Variants in CNNM1 observed in about 807,000 individuals in gnomAD.
CNNM1 encodes metal transporter CNNM1.
CNNM1 carries 44 observed loss-of-function variants against 78.8 expected under a neutral mutation model. The ratio of observed to expected loss-of-function variants is 0.56; its 90% confidence interval spans 0.44 to 0.72. The LOEUF (loss-of-function observed/expected upper bound fraction) is 0.72, where lower values mean the gene tolerates loss of function less well. CNNM1 is among the 30% of genes least tolerant of loss of function. CNNM1 has a pLI of 0.00. For synonymous variants in CNNM1, 584 were observed against 581.5 expected (o/e 1.00, Z -0.06); for missense variants, 1,101 against 1,292.2 (o/e 0.85, Z 2.27).
chr10:99,330,689 C>T lies in CNNM1; in HGVS notation c.1302C>T (p.Thr434=), dbSNP rs1428608262. ...LRTKVVEEVL[T]PLGDCFMLRS... Reference sequence around the variant, plus strand: ...CCAAAGTTGTGGAGGAGGTGCTGACCCCCCTGGGAGACTGCTTCATGCTGC... The same window carrying T: ...CCAAAGTTGTGGAGGAGGTGCTGACTCCCCTGGGAGACTGCTTCATGCTGC... The change falls in exon 1 of 11, where the codon ACC becomes ACT. Residue 434 remains threonine (T), a synonymous_variant. Transcript: ENST00000356713. The T allele has an allele frequency of 2.5e-6, 4 of 1,613,818 alleles. No homozygotes were observed. The highest frequency in any genetic ancestry group is 1.1e-5 in the South Asian group (1 of 91,090).
intron 1 of CNNM1, among the ~76,000 whole-genome samples, chr10:99,342,054 C>G (rs897163992): frequency 1.3e-5 from 2 of 152,184 alleles, no homozygotes; most frequent in Admixed American, 1.3e-4. Context: ...CCTGCCCCAC[C>G]GTTCTCCACA....
At chr10:99,355,651 G>A (rs975355798) in intron 1 of CNNM1, among the ~76,000 whole-genome samples, 3 of 152,172 alleles carry the variant, frequency 2.0e-5, no homozygotes, top group Admixed American at 1.3e-4. Context: ...TTCAGTCCCA[G>A]GTTAGTACTG....
Position 99,377,049 on chromosome 10 carries a change from C to T in CNNM1, c.2177-6C>T. 7.2e-7 allele frequency: 1 copy of T among 1,395,114 alleles called. No homozygotes were observed. Among genetic ancestry groups the T allele is most frequent in the Non-Finnish European group, 9.6e-7 (1 of 1,046,164 alleles). The allele number at this position is 1,395,114 out of a possible 1,614,324, so 86.4% of individuals were successfully genotyped here. ...TTGTCTTTTCTCCATCTCTCACCAT[C>T]TGCAGTAAACCGGTCCCCTTCTCGC... On this transcript the variant is annotated splice_region_variant and splice_polypyrimidine_tract_variant and intron_variant, in intron 6 of 10. Transcript: ENST00000356713.
chr10:99,362,475 G>C, intron 4 of CNNM1, 79 bp downstream of exon 4: 1 of 1,449,800 alleles, frequency 6.9e-7, no homozygotes, highest in South Asian at 1.4e-5. Context: ...GCCTCCGTCA[G>C]CACCAAGTTC....
intron 6 of CNNM1, among the ~76,000 whole-genome samples, chr10:99,365,658 T>A (rs2031591287): frequency 6.6e-6 from 1 of 152,192 alleles, no homozygotes; most frequent in African/African-American, 2.4e-5. Flanking sequence ...GGCATGGCAT[T>A]TTTTGTGATT....
Position 99,387,916 on chromosome 10 carries a change from A to G in CNNM1, c.2437A>G (p.Thr813Ala), listed in dbSNP as rs1402646083. Reference sequence around the variant, plus strand: ...GGAGGCCTTCACAGACGGGGACTCCACTAAGGCCCCCACAACCCGGGGCAC... The same window carrying G: ...GGAGGCCTTCACAGACGGGGACTCCGCTAAGGCCCCCACAACCCGGGGCAC... ...DMEAFTDGDS[T>A]KAPTTRGTPQ... is the part of the protein sequence containing the mutation. Residue 813 changes from threonine to alanine, a missense_variant, in exon 8 of 11, where the codon ACT becomes GCT. Coordinates refer to ENST00000356713, the MANE Select transcript of CNNM1 (RefSeq NM_020348.3). 1.2e-6 allele frequency: 2 copies of G among 1,613,534 alleles called. No homozygotes were observed. The highest frequency in any genetic ancestry group is 1.7e-5 in the Admixed American group (1 of 59,952).
Position 99,329,976 on chromosome 10 carries a change from C to T in CNNM1, c.589C>T (p.His197Tyr). The T allele has an allele frequency of 7.2e-7, 1 of 1,389,106 alleles. No individual in the cohort carries two copies. 86.0% of individuals were successfully genotyped at this position (1,389,106 alleles called of 1,614,324 possible). ...CTGGGATGGGCGCGCGTGGCACCAC[C>T]ACGGCGCCGCCGGCGGCTTCCTGCT... is the stretch of plus-strand genomic sequence containing the variant. ...CAWDGRAWHH[H>Y]GAAGGFLLRV... The change falls in exon 1 of 11, where the codon CAC (histidine) becomes TAC (tyrosine). Residue 197 changes from histidine to tyrosine, a missense_variant. Physicochemically the swap from His to Tyr is moderately conservative, Grantham distance 83. This residue lies in a region of CNNM1 where 476 missense variants were observed against 484.5 expected (regional missense o/e 0.98). Coordinates refer to ENST00000356713, the MANE Select transcript of CNNM1 (RefSeq NM_020348.3).
chr10:99,332,732 G>T (rs1233471389), intron 1 of CNNM1, among the ~76,000 whole-genome samples: 1 of 152,276 alleles, frequency 6.6e-6, no homozygotes, highest in South Asian at 2.1e-4. Context: ...TTCAGTCTCA[G>T]ATTTGAGAGA....
chr10:99,386,584 C>T (rs537686379), intron 7 of CNNM1, among the ~76,000 whole-genome samples: 2 of 152,178 alleles, frequency 1.3e-5, no homozygotes, highest in Non-Finnish European at 2.9e-5. Context: ...TTTTGTGATT[C>T]GATTGGTTGT....
chr10:99,360,586 C>T (rs2031394828), intron 2 of CNNM1, among the ~76,000 whole-genome samples: 1 of 152,200 alleles, frequency 6.6e-6, no homozygotes, highest in Non-Finnish European at 1.5e-5. Flanking sequence ...GAACCCCAGA[C>T]TTGGGTACCC....
chr10:99,364,825 A>G (rs2031558561), intron 5 of CNNM1, 130 bp from the exon 6 acceptor site: 2 of 829,662 alleles, frequency 2.4e-6, no homozygotes, highest in South Asian at 3.6e-5. Context: ...CTTGTTCCCT[A>G]CCCTTCCATT....
intron 6 of CNNM1, chr10:99,368,307 C>CA: frequency 3.9e-6 from 1 of 257,046 alleles, no homozygotes; most frequent in East Asian, 9.5e-5. Flanking sequence ...ATGGGAGCCT[C>CA]AGAGAATGCT....
intron 1 of CNNM1, among the ~76,000 whole-genome samples, chr10:99,356,273 C>T (rs752796245): frequency 3.3e-5 from 5 of 151,912 alleles, no homozygotes; most frequent in Admixed American, 2.6e-4. Context: ...GTCAAGAGAT[C>T]GAGACCATCT....
intron 10 of CNNM1, 112 bp from the exon 11 acceptor site, chr10:99,391,325 C>A: frequency 1.3e-6 from 1 of 768,102 alleles, no homozygotes; most frequent in Non-Finnish European, 2.2e-6. Flanking sequence ...ACCAAGCTGT[C>A]AAGGGCTTTG....
intron 1 of CNNM1, among the ~76,000 whole-genome samples, chr10:99,354,647 G>A (rs971933727): frequency 3.3e-5 from 5 of 152,158 alleles, no homozygotes; most frequent in African/African-American, 9.7e-5. Context: ...ATTCAGAGTC[G>A]GGTAGATCTG....
At chr10:99,349,568 G>A (rs1474921858) in intron 1 of CNNM1, among the ~76,000 whole-genome samples, 1 of 152,148 alleles carries the variant, frequency 6.6e-6, no homozygotes, top group Non-Finnish European at 1.5e-5. Context: ...TAAGATGAGA[G>A]CCTGAATTTC....
At chr10:99,333,717 T>C (rs1159277479) in intron 1 of CNNM1, among the ~76,000 whole-genome samples, 1 of 152,190 alleles carries the variant, frequency 6.6e-6, no homozygotes, top group African/African-American at 2.4e-5. Context: ...CTCAGGAGGT[T>C]AGCAATATAC....
chr10:99,358,160 C>T (rs1323691952), intron 2 of CNNM1, among the ~76,000 whole-genome samples: 1 of 152,200 alleles, frequency 6.6e-6, no homozygotes. Flanking sequence ...TCCCTGTCCT[C>T]TTCTGCCTTT....
rs930471875 is a variant in CNNM1, at chr10:99,391,968, T to C, written c.*452T>C. 6.3e-6 allele frequency: 1 copy of C among 158,334 alleles called. No individual in the cohort carries two copies. The highest frequency in any genetic ancestry group is 1.4e-5 in the Non-Finnish European group (1 of 71,428). The allele number at this position is 158,334 out of a possible 1,614,324, so 9.8% of individuals were successfully genotyped here. ...GCATAGCTTGGCTCAGAAGGTGCCA[T>C]TGGCAGACAGGCACATGGGAGGCTG... On this transcript the variant is annotated 3_prime_UTR_variant, in exon 11 of 11. Transcript: ENST00000356713.
Sources: gnomAD v4.1 joint callset for allele counts (sites outside exome capture counted in the v4.1 genomes callset) on GRCh38, gnomAD v4.1.1 for gene constraint, gnomAD v4.1.1 regional missense constraint, MANE v1.5 for transcripts, NCBI Gene and HGNC (gene_info 2026-07-23, HGNC 2026-07-21) for gene names.